Variants in WWOX observed in about 807,000 individuals in gnomAD.
WWOX encodes the protein WW domain containing oxidoreductase, also known as WW domain-containing oxidoreductase.
Under a neutral mutation model 46.2 loss-of-function variants are expected in WWOX, and 69 were observed. The observed-to-expected ratio is 1.49, with a 90% CI of 1.23 to 1.82. WWOX has a LOEUF of 1.82. WWOX is among the 40% of genes most tolerant of loss of function. The probability of loss-of-function intolerance (pLI) is 0.00; values close to 1 mark genes in which losing one functional copy is unlikely to be tolerated. For synonymous variants in WWOX, 359 were observed against 202.6 expected, an observed-to-expected ratio of 1.77 and a Z score of -6.56; for missense variants, 919 against 542.6, an observed-to-expected ratio of 1.69 and a Z score of -6.89.
At chr16:78,809,810 C>T (rs2051140626) in intron 8 of WWOX, among the ~76,000 whole-genome samples, 1 of 152,102 alleles carries the variant, frequency 6.6e-6, no homozygotes, top group East Asian at 1.9e-4. Context: ...GTGTGAGCTC[C>T]TAAAAGCTCT....
chr16:79,160,112 T>G (rs1427997399), intron 8 of WWOX, among the ~76,000 whole-genome samples: 1 of 152,184 alleles, frequency 6.6e-6, no homozygotes, highest in African/African-American at 2.4e-5. Context: ...TTGTCTAAAT[T>G]CACTCGGCAA....
chr16:78,545,983 G>T (rs2044021560), intron 8 of WWOX, among the ~76,000 whole-genome samples: 1 of 152,104 alleles, frequency 6.6e-6, no homozygotes. Flanking sequence ...TCACATGGAG[G>T]GTTAGAACTT....
chr16:78,381,865 T>G (rs1016728003), intron 5 of WWOX, among the ~76,000 whole-genome samples: 8 of 151,934 alleles, frequency 5.3e-5, no homozygotes, highest in Non-Finnish European at 1.0e-4. Flanking sequence ...TGGTGGGATT[T>G]TTTTCTTTTC....
At position 78,588,911 on chromosome 16, in the gene WWOX, C is replaced by G. The variant is rs114676342; in HGVS notation, c.1056+156159C>G. Among the ~76,000 whole-genome samples, 689 of 152,216 alleles carry G rather than the reference C, an allele frequency of 4.5e-3. 4 individuals are homozygous for G. The highest frequency in any genetic ancestry group is 0.016 in the African/African-American group (653 of 41,536). ...AAGAAGAGGAGGAGGAGGAACTTCT[C>G]AGGAAGAAGTGGCAGTTCCCTCCTT... On this transcript the variant is annotated intron_variant, in intron 8 of 8. Coordinates refer to ENST00000566780, the MANE Select transcript of WWOX (RefSeq NM_016373.4).
At chr16:78,998,345 G>A (rs964775538) in intron 8 of WWOX, among the ~76,000 whole-genome samples, 2 of 152,194 alleles carry the variant, frequency 1.3e-5, no homozygotes, top group Non-Finnish European at 1.5e-5. Flanking sequence ...CTTGAGTGAA[G>A]GGTCTGTGGG....
intron 8 of WWOX, among the ~76,000 whole-genome samples, chr16:78,625,519 A>G (rs889337584): frequency 6.6e-6 from 1 of 152,140 alleles, no homozygotes; most frequent in East Asian, 1.9e-4. Flanking sequence ...TCAAGACTGT[A>G]GTACCAAGTT....
At chr16:78,132,358 C>T (rs968822452) in intron 4 of WWOX, among the ~76,000 whole-genome samples, 1 of 152,132 alleles carries the variant, frequency 6.6e-6, no homozygotes, top group Non-Finnish European at 1.5e-5. Context: ...TCCAATTATG[C>T]ATCTTCTGAG....
chr16:78,449,239 G>A (rs931131862), intron 8 of WWOX, among the ~76,000 whole-genome samples: 2 of 152,200 alleles, frequency 1.3e-5, no homozygotes, highest in Non-Finnish European at 2.9e-5. Context: ...AAGCATGTAA[G>A]CCAAGAAGGA....
chr16:78,395,612 G>C (rs1046205978), intron 6 of WWOX, among the ~76,000 whole-genome samples: 2 of 152,128 alleles, frequency 1.3e-5, no homozygotes, highest in Non-Finnish European at 2.9e-5. Flanking sequence ...TGACAACCAA[G>C]AGAAGAAGGG....
chr16:78,800,406 G>A (rs62038635), intron 8 of WWOX, among the ~76,000 whole-genome samples: 9,169 of 152,232 alleles, frequency 0.06, 301 homozygotes, highest in African/African-American at 0.083. Flanking sequence ...TATAATATCT[G>A]CAGGCTATGA....
Position 79,093,126 on chromosome 16 carries a change from T to TAC in WWOX, c.1057-118480_1057-118479dup, listed in dbSNP as rs373784960. Among the ~76,000 whole-genome samples the TAC allele has an allele frequency of 1.7e-3, 265 of 152,268 alleles. 1 individual carries two copies. Among genetic ancestry groups the TAC allele is most frequent in the African/African-American group, 6.0e-3 (251 of 41,544 alleles). On this transcript the variant is annotated intron_variant, in intron 8 of 8. Transcript: ENST00000566780. ...GGTACAGCCATTTCATAGACAAGTCTACATCAATGAAAAGAATGACACTTC... is the reference window on the plus strand; with the variant it reads ...GGTACAGCCATTTCATAGACAAGTCTACACATCAATGAAAAGAATGACACTTC...
At chr16:78,578,554 C>T (rs1418678292) in intron 8 of WWOX, among the ~76,000 whole-genome samples, 1 of 151,712 alleles carries the variant, frequency 6.6e-6, no homozygotes, top group Non-Finnish European at 1.5e-5. Context: ...TCCCAAAGTG[C>T]TGGGATTACA....
intron 8 of WWOX, among the ~76,000 whole-genome samples, chr16:78,933,821 C>T (rs573228144): frequency 8.5e-5 from 13 of 152,116 alleles, no homozygotes; most frequent in South Asian, 2.1e-4. Context: ...CTTCCTCCCA[C>T]GACATTTGGG....
intron 5 of WWOX, among the ~76,000 whole-genome samples, chr16:78,245,817 A>G (rs1057119726): frequency 7.2e-5 from 11 of 152,182 alleles, no homozygotes; most frequent in African/African-American, 2.4e-4. Flanking sequence ...GCTGAGACCC[A>G]AGTGCCTGGG....
At chr16:78,402,900 C>T (rs1381053959) in intron 6 of WWOX, among the ~76,000 whole-genome samples, 2 of 152,164 alleles carry the variant, frequency 1.3e-5, no homozygotes, top group African/African-American at 4.8e-5. Flanking sequence ...TGAATTAATC[C>T]TCAACTCCAG....
chr16:78,619,505 C>G (rs550584141), intron 8 of WWOX, among the ~76,000 whole-genome samples: 6 of 151,926 alleles, frequency 3.9e-5, no homozygotes, highest in African/African-American at 1.4e-4. Flanking sequence ...CCCTGCCAAC[C>G]TCCTCCTATC....
At chr16:78,330,387 C>T (rs929611926) in intron 5 of WWOX, among the ~76,000 whole-genome samples, 2 of 151,642 alleles carry the variant, frequency 1.3e-5, no homozygotes, top group African/African-American at 4.8e-5. Flanking sequence ...GAGAAAATTT[C>T]ACCAGTGATA....
chr16:78,544,081 A>T (rs2043964120), intron 8 of WWOX, among the ~76,000 whole-genome samples: 2 of 152,148 alleles, frequency 1.3e-5, no homozygotes, highest in South Asian at 4.1e-4. Context: ...GCAGAAACCC[A>T]TGTTTTTGAC....
At chr16:78,111,497 T>G (rs2032487349) in intron 3 of WWOX, among the ~76,000 whole-genome samples, 1 of 152,186 alleles carries the variant, frequency 6.6e-6, no homozygotes, top group African/African-American at 2.4e-5. Context: ...TAAGGGCTGC[T>G]TGAGGGCTCC....
Sources: gnomAD v4.1 joint callset for allele counts (sites outside exome capture counted in the v4.1 genomes callset) on GRCh38, gnomAD v4.1.1 for gene constraint, MANE v1.5 for transcripts, NCBI Gene and HGNC (gene_info 2026-07-23, HGNC 2026-07-21) for gene names.